Variants in BAG1 observed in about 807,000 individuals in gnomAD.
BAG1 encodes the protein BAG cochaperone 1.
Under a neutral mutation model 35.5 loss-of-function variants are expected in BAG1, and 35 were observed. The ratio of observed to expected loss-of-function variants is 0.99; its 90% CI spans 0.75 to 1.31. BAG1 has a LOEUF of 1.31. Among genes scored for constraint, BAG1 ranks in the 50% most tolerant of loss-of-function variants. The probability of loss-of-function intolerance (pLI) is 0.00; values close to 1 mark genes in which losing one functional copy is unlikely to be tolerated. For missense variants in BAG1, 464 were observed against 453.6 expected (o/e 1.02, Z -0.21); for synonymous variants, 191 against 178.9 (o/e 1.07, Z -0.54).
Position 33,255,245 on chromosome 9 carries a change from A to C in BAG1, c.1012T>G (p.Ser338Ala), listed in dbSNP as rs1820427086. ...CACTCGGCCAGGGCAAAGTTTGTAG[A>C]CTGCAGCCGCTCAGTCTCCTGGCAG... Residue 338 changes from serine to alanine, a missense_variant, in exon 7 of 7, where the codon TCT becomes GCT. Ser to Ala is a moderately conservative substitution (Grantham distance 99). Coordinates refer to ENST00000634734, the MANE Select transcript of BAG1 (RefSeq NM_004323.6). 1.2e-6 allele frequency: 2 copies of C among 1,614,046 alleles called. No homozygotes were observed. Among genetic ancestry groups the C allele is most frequent in the Non-Finnish European group, 1.7e-6 (2 of 1,180,028 alleles).
intron 1 of BAG1, among the ~76,000 whole-genome samples, chr9:33,263,838 CGAGGAGCA>C (rs1481099425): frequency 1.3e-5 from 2 of 152,114 alleles, no homozygotes; most frequent in African/African-American, 4.8e-5. Context: ...ACTCAGCACA[CGAGGAGCA>C]CCCCGGCATG....
chr9:33,261,367 CTA>C (rs935572020), intron 2 of BAG1, among the ~76,000 whole-genome samples, 198 bp from the exon 3 acceptor site: 2 of 152,182 alleles, frequency 1.3e-5, no homozygotes, highest in Admixed American at 1.3e-4. Flanking sequence ...ACAGTAACTA[CTA>C]TACGATAATA....
rs984412744 is a variant in BAG1 at position 33,257,020 on chromosome 9, G to A, written c.778-112C>T. On this transcript the variant is annotated intron_variant, in intron 4 of 6. Coordinates refer to ENST00000634734, the MANE Select transcript of BAG1 (RefSeq NM_004323.6). The stretch of plus-strand genomic sequence containing the variant: ...AGCCCACCATAGCCCTGGCAGGCCA[G>A]GCCACATCTCAGATCCACAACTTTA... The A allele has an allele frequency of 1.1e-5, 8 of 756,910 alleles. No homozygotes were observed. In the African/African-American group the frequency reaches 1.4e-4, roughly 13 times the overall value. 46.9% of individuals were successfully genotyped at this position (756,910 alleles called of 1,614,324 possible).
At chr9:33,257,074 G>T (rs1040291033) in intron 4 of BAG1, 166 bp from the exon 5 acceptor site, 1 of 584,188 alleles carries the variant, frequency 1.7e-6, no homozygotes, top group Non-Finnish European at 3.0e-6. Flanking sequence ...AAGGCTGGCC[G>T]TGGGCCAGTC....
At chr9:33,263,676 A>G (rs3758270) in intron 1 of BAG1, among the ~76,000 whole-genome samples, 12,205 of 152,142 alleles carry the variant, frequency 0.08, 557 homozygotes, top group African/African-American at 0.12. Context: ...GGCCTCCCCT[A>G]GCTGGTTCTA....
chr9:33,256,137 A>G (rs1445007571), intron 5 of BAG1, among the ~76,000 whole-genome samples: 1 of 152,118 alleles, frequency 6.6e-6, no homozygotes, highest in Non-Finnish European at 1.5e-5. Context: ...TGTCCCTATA[A>G]AAGCTCCCTG....
At chr9:33,256,605 C>T (rs1820458266) in intron 5 of BAG1, among the ~76,000 whole-genome samples, 196 bp downstream of exon 5, 1 of 152,150 alleles carries the variant, frequency 6.6e-6, no homozygotes, top group African/African-American at 2.4e-5. Flanking sequence ...GCTGTGAGTG[C>T]CTAGAAAGCA....
intron 2 of BAG1, 124 bp from the exon 3 acceptor site, chr9:33,261,293 G>T (rs1820565598): frequency 5.0e-6 from 3 of 599,130 alleles, no homozygotes; most frequent in Non-Finnish European, 5.7e-6. Context: ...TTTAGAGGGT[G>T]TCATGACCCA....
intron 2 of BAG1, chr9:33,262,274 T>C: frequency 7.9e-7 from 1 of 1,260,056 alleles, no homozygotes; most frequent in Non-Finnish European, 1.0e-6. Context: ...TAAATAAAAA[T>C]TGTCCCAGTT....
In BAG1 at chr9:33,264,478, C is replaced by T; in HGVS notation, c.197G>A (p.Gly66Asp). The change falls in exon 1 of 7, where the codon GGC becomes GAC. Residue 66 changes from glycine (G) to aspartate (D), a missense_variant. By Grantham distance (94) the Gly-to-Asp change is moderately conservative. Transcript: ENST00000634734. The stretch of plus-strand genomic sequence containing the variant: ...CTTCTTCATCCGCGGCCTGCGAGCG[C>T]CGGCGGCGGCGCCCCTGGTGGGTCG... The T allele has an allele frequency of 6.2e-7, 1 of 1,611,726 alleles. No individual in the cohort carries two copies. The highest frequency in any genetic ancestry group is 8.5e-7 in the Non-Finnish European group (1 of 1,179,334).
At position 33,259,041 on chromosome 9, in the gene BAG1, G is replaced by C; in HGVS notation, c.664-8C>G. On this transcript the variant is annotated splice_polypyrimidine_tract_variant and splice_region_variant and intron_variant, in intron 3 of 6. Transcript: ENST00000634734. ...CTCTTCCTGTGGACTGTTCTAAAAT[G>C]TTTAAGAAGAAAATAAAGCCAATAG... The C allele has an allele frequency of 6.2e-7, 1 of 1,609,096 alleles. No individual in the cohort carries two copies. The highest frequency in any genetic ancestry group is 8.5e-7 in the Non-Finnish European group (1 of 1,175,856).
intron 2 of BAG1, among the ~76,000 whole-genome samples, chr9:33,261,373 G>A (rs1044330376): frequency 2.1e-4 from 32 of 152,112 alleles, no homozygotes; most frequent in South Asian, 4.1e-4. Context: ...ACTACTATAC[G>A]ATAATATTCA....
chr9:33,262,763 C>G lies in BAG1; in HGVS notation c.519G>C (p.Leu173=). The G allele has an allele frequency of 6.2e-7, 1 of 1,614,164 alleles. No individual in the cohort carries two copies. The highest frequency in any genetic ancestry group is 1.3e-5 in the African/African-American group (1 of 75,046). ...CTATGACCTCTTCAACAACCTGGGCCAGGTCTTGGACAACTGGTTCACTGC... is the reference window on the plus strand; with the variant it reads ...CTATGACCTCTTCAACAACCTGGGCGAGGTCTTGGACAACTGGTTCACTGC... Residue 173 remains leucine (L), a synonymous_variant, in exon 2 of 7, where the codon CTG becomes CTC. Transcript: ENST00000634734.
At chr9:33,257,950 A>G (rs1820489283) in intron 4 of BAG1, 1 of 143,942 alleles carries the variant, frequency 6.9e-6, no homozygotes, top group Non-Finnish European at 1.5e-5. Flanking sequence ...GTGCCTATAC[A>G]TGTACTTAAA....
chr9:33,264,701 T>G lies in BAG1; in HGVS notation c.-27A>C. 7.3e-7 allele frequency: 1 copy of G among 1,362,096 alleles called. No individual in the cohort carries two copies. Among genetic ancestry groups the G allele is most frequent in the Non-Finnish European group, 9.4e-7 (1 of 1,063,448 alleles). 84.4% of individuals were successfully genotyped at this position (1,362,096 alleles called of 1,614,324 possible). A position where few individuals can be genotyped will look rare whatever the true frequency, so the allele number is the denominator to read the frequency against. ...CCCGCACTTGTTGACCGCCCAGCGA[T>G]GGAAGCTGAGCGCGGCGTCTCACAA... On this transcript the variant is annotated 5_prime_UTR_variant, in exon 1 of 7. Transcript: ENST00000634734.
chr9:33,261,475 C>T (rs1435647773), intron 2 of BAG1, among the ~76,000 whole-genome samples: 1 of 152,100 alleles, frequency 6.6e-6, no homozygotes, highest in African/African-American at 2.4e-5. Context: ...ACTTTAAAGT[C>T]TTCAGTAGGC....
chr9:33,255,732 CCTG>C (rs1348463248), intron 6 of BAG1, 130 bp downstream of exon 6: 1 of 928,586 alleles, frequency 1.1e-6, no homozygotes, highest in African/African-American at 1.7e-5. Flanking sequence ...GTTTGGGGTT[CCTG>C]CTGATAAATA....
At position 33,264,627 on chromosome 9, in the gene BAG1, C is replaced by A; in HGVS notation, c.48G>T (p.Arg16=). 1 of 1,352,490 alleles carries A rather than the reference C, an allele frequency of 7.4e-7. No homozygotes were observed. The highest frequency in any genetic ancestry group is 9.4e-7 in the Non-Finnish European group (1 of 1,061,090). The allele number at this position is 1,352,490 out of a possible 1,614,324, so 83.8% of individuals were successfully genotyped here. A position where few individuals can be genotyped will look rare whatever the true frequency, so the allele number is the denominator to read the frequency against. ...GAAGGGCGCGCAGCCGGGAACCCAG[C>A]CGCTCCCGGTCGCCTCGCGGTCTCC... The change falls in exon 1 of 7, where the codon CGG becomes CGT. Residue 16 remains arginine, a synonymous_variant. Transcript: ENST00000634734.
At chr9:33,257,630 CA>C (rs1321100032) in intron 4 of BAG1, 1 of 152,126 alleles carries the variant, frequency 6.6e-6, no homozygotes, top group African/African-American at 2.4e-5. Flanking sequence ...CCAAAAAAAC[CA>C]GGAATGGTCA....
Sources: gnomAD v4.1 joint callset for allele counts (sites outside exome capture counted in the v4.1 genomes callset) on GRCh38, gnomAD v4.1.1 for gene constraint, MANE v1.5 for transcripts, NCBI Gene and HGNC (gene_info 2026-07-23, HGNC 2026-07-21) for gene names.